The following ABCA5 variants were observed in gnomAD, a reference collection of about 807,000 sequenced individuals.
ABCA5 encodes the protein cholesterol transporter ABCA5.
Under a neutral mutation model 206.0 loss-of-function variants are expected in ABCA5, and 163 were observed. That is an observed-to-expected ratio of 0.79 (90% confidence interval 0.70 to 0.90). ABCA5 has a LOEUF of 0.90. Ranked by LOEUF, ABCA5 falls within the 40% of genes least tolerant of loss-of-function variation. The pLI, the probability that ABCA5 is intolerant of heterozygous loss-of-function variation, is 0.00. For missense variants in ABCA5, 1,859 were observed against 1,912.9 expected (o/e 0.97, Z 0.53); for synonymous variants, 609 against 613.8 (o/e 0.99, Z 0.11).
chr17:69,263,507 TTATCA>T (rs1027639935), intron 24 of ABCA5, among the ~76,000 whole-genome samples: 8 of 152,060 alleles, frequency 5.3e-5, no homozygotes, highest in African/African-American at 1.9e-4. Flanking sequence ...TTGCTTATTT[TTATCA>T]ATTTTGTTGA....
intron 9 of ABCA5, among the ~76,000 whole-genome samples, chr17:69,298,415 C>T (rs2075615683): frequency 6.6e-6 from 1 of 151,298 alleles, no homozygotes; most frequent in African/African-American, 2.4e-5. Context: ...TCCCTTTTCC[C>T]TCTCAAAATA....
At position 69,306,745 on chromosome 17, in the gene ABCA5, T is replaced by C. The variant is rs770389403; in HGVS notation, c.768A>G (p.Gly256=). The C allele has an allele frequency of 5.3e-6, 8 of 1,509,448 alleles. No individual in the cohort carries two copies. In the South Asian group the frequency reaches 1.1e-4, roughly 20 times the overall value. 93.5% of individuals were successfully genotyped at this position (1,509,448 alleles called of 1,614,324 possible). A position where few individuals can be genotyped will look rare whatever the true frequency, so the allele number is the denominator to read the frequency against. The change falls in exon 6 of 39, where the codon GGA becomes GGG. Residue 256 remains glycine (G), a synonymous_variant. Coordinates refer to ENST00000392676, the MANE Select transcript of ABCA5 (RefSeq NM_172232.4). The part of the protein sequence containing the change: ...KKIKEFLKIM[G]LHDTAFWLSW... The stretch of plus-strand genomic sequence containing the variant: ...CATACCAAAAGGCAGTATCATGAAG[T>C]CCCATTATCTTTAAAAATTCTTTTA...
intron 17 of ABCA5, among the ~76,000 whole-genome samples, chr17:69,284,565 TA>T (rs540201116): frequency 1.3e-5 from 2 of 152,256 alleles, no homozygotes; most frequent in South Asian, 4.1e-4. Flanking sequence ...ATTCATCTTT[TA>T]AAAAATAAAA....
At chr17:69,318,923 T>C (rs1021301936) in intron 1 of ABCA5, 39 of 655,330 alleles carry the variant, frequency 6.0e-5, no homozygotes, top group African/African-American at 3.1e-4. Flanking sequence ...GGTAATGCGA[T>C]GTAATGGCAT....
intron 28 of ABCA5, among the ~76,000 whole-genome samples, chr17:69,258,506 A>G (rs2075107887): frequency 6.6e-6 from 1 of 152,110 alleles, no homozygotes; most frequent in Admixed American, 6.6e-5. Context: ...TTATCAGTGG[A>G]TACACATGAA....
intron 31 of ABCA5, among the ~76,000 whole-genome samples, chr17:69,254,795 A>AT: frequency 6.6e-6 from 1 of 152,208 alleles, no homozygotes. Context: ...AAGTGCTGGG[A>AT]TTACAGGAAT....
At chr17:69,313,924 C>T (rs1336108830) in intron 2 of ABCA5, among the ~76,000 whole-genome samples, 2 of 152,050 alleles carry the variant, frequency 1.3e-5, no homozygotes, top group Non-Finnish European at 2.9e-5. Flanking sequence ...GCTGTGGGTA[C>T]AAATCTGTGT....
chr17:69,264,924 AATTT>A lies in ABCA5; in HGVS notation c.3145-23_3145-20del. ...CTTTGATCTAAAAAAAATGAAAAACAATTTATTATAATTTTAGACACTTTAGAAA... is the reference window on the plus strand; with the variant it reads ...CTTTGATCTAAAAAAAATGAAAAACAATTATAATTTTAGACACTTTAGAAA... On this transcript the variant is annotated intron_variant, in intron 23 of 38. Coordinates refer to ENST00000392676, the MANE Select transcript of ABCA5 (RefSeq NM_172232.4). The A allele has an allele frequency of 1.4e-6, 2 of 1,426,874 alleles. No individual in the cohort carries two copies. The highest frequency in any genetic ancestry group is 2.5e-5 in the East Asian group (1 of 39,942). The allele number at this position is 1,426,874 out of a possible 1,614,324, so 88.4% of individuals were successfully genotyped here.
At position 69,291,235 on chromosome 17, in the gene ABCA5, T is replaced by C. The variant is rs140672254; in HGVS notation, c.1587A>G (p.Gly529=). The C allele has an allele frequency of 4.2e-5, 68 of 1,601,844 alleles. No individual in the cohort carries two copies. In the African/African-American group the frequency reaches 8.3e-4, roughly 20 times the overall value. The change falls in exon 12 of 39, where the codon GGA becomes GGG. Residue 529 remains glycine, a synonymous_variant. Transcript: ENST00000392676. ...GKSTLMNILC[G]LCPPSDGFAS... Reference sequence around the variant, plus strand: ...ACTCACCATCAGAAGGTGGGCAGAGTCCACAAAGAATATTCATCAATGTAC... The same window carrying C: ...ACTCACCATCAGAAGGTGGGCAGAGCCCACAAAGAATATTCATCAATGTAC...
chr17:69,296,829 G>A (rs2075588077), intron 10 of ABCA5, among the ~76,000 whole-genome samples: 1 of 152,296 alleles, frequency 6.6e-6, no homozygotes, highest in South Asian at 2.1e-4. Context: ...GCCAGGCATG[G>A]TGGCGCATGC....
Position 69,264,795 on chromosome 17 carries a change from T to C in ABCA5, c.3255A>G (p.Leu1085=), listed in dbSNP as rs1391995550. 1 of 1,598,248 alleles carries C rather than the reference T, an allele frequency of 6.3e-7. No homozygotes were observed. The highest frequency in any genetic ancestry group is 8.5e-7 in the Non-Finnish European group (1 of 1,172,652). The part of the protein sequence containing the change: ...PLFFIILILM[L]GSLLAFHYGL... The stretch of plus-strand genomic sequence containing the variant: ...CATAATGAAATGCCAATAAGCTTCC[T>C]AGCATCAAAATAAGAATGATAAAAA... Residue 1085 remains leucine (L), a synonymous_variant, in exon 24 of 39, where the codon CTA becomes CTG. Transcript: ENST00000392676.
At chr17:69,314,696 C>T (rs902929781) in intron 1 of ABCA5, 3 of 285,702 alleles carry the variant, frequency 1.1e-5, no homozygotes, top group African/African-American at 2.2e-5. Flanking sequence ...TGGTATCTCC[C>T]GAACCGCCCA....
chr17:69,318,385 G>A (rs914360749), intron 1 of ABCA5, among the ~76,000 whole-genome samples: 46 of 152,074 alleles, frequency 3.0e-4, no homozygotes, highest in African/African-American at 9.9e-4. Context: ...GTGAGCCACC[G>A]TGCCTGGTCC....
rs765526099 is a variant in ABCA5 at position 69,289,272 on chromosome 17, C to G, written c.1807G>C (p.Asp603His). 5.8e-5 allele frequency: 92 copies of G among 1,596,866 alleles called. No homozygotes were observed. The highest frequency in any genetic ancestry group is 7.6e-5 in the Non-Finnish European group (89 of 1,173,460). Reference protein sequence around the residue: ...QEVQKVLLDLDMQTIKDNQAK... With the variant: ...QEVQKVLLDLHMQTIKDNQAK... ...TGGTTATCTTTGATAGTCTGCATGT[C>G]TAAATCTAGTAAAACCTTCTGCACC... Residue 603 changes from aspartate (D) to histidine (H), a missense_variant, in exon 14 of 39, where the codon GAC becomes CAC. Transcript: ENST00000392676.
At chr17:69,249,845 G>A (rs1231310068) in intron 37 of ABCA5, 60 bp downstream of exon 37, 1 of 1,488,012 alleles carries the variant, frequency 6.7e-7, no homozygotes, top group Non-Finnish European at 9.1e-7. Context: ...AAAAGATTGT[G>A]AAAGGGACTG....
chr17:69,255,032 C>G (rs1007600654), intron 31 of ABCA5, among the ~76,000 whole-genome samples: 1 of 152,018 alleles, frequency 6.6e-6, no homozygotes, highest in African/African-American at 2.4e-5. Context: ...AAGGTATAGC[C>G]AAACAAAGAA....
intron 19 of ABCA5, among the ~76,000 whole-genome samples, chr17:69,276,034 T>C (rs1011880062): frequency 4.0e-5 from 6 of 148,604 alleles, no homozygotes; most frequent in African/African-American, 1.5e-4. Context: ...ACCCAGTAAA[T>C]GGTATTTTGT....
Position 69,317,399 on chromosome 17 carries a change from CAAAAAAAAAAAA to C in ABCA5, c.-15-2981_-15-2970del, listed in dbSNP as rs1168274624. ...TGGGCATCAGAGCAAGACTCTGTCT[CAAAAAAAAAAAA>C]AAAAAAAAAAAGGAATGAAGTACTG... On this transcript the variant is annotated intron_variant, in intron 1 of 38. Coordinates refer to ENST00000392676, the MANE Select transcript of ABCA5 (RefSeq NM_172232.4). Among the ~76,000 whole-genome samples, 11 of 74,572 alleles carry C rather than the reference CAAAAAAAAAAAA, an allele frequency of 1.5e-4. No individual in the cohort carries two copies. The East Asian group carries it at 1.6e-3, about 11-fold the overall frequency. 48.9% of individuals were successfully genotyped at this position (74,572 alleles called of 152,430 possible).
rs560143018 is a variant in ABCA5, at chr17:69,279,614, G to A, written c.2393-1772C>T. On this transcript the variant is annotated intron_variant, in intron 18 of 38. Transcript: ENST00000392676. ...AAAAGAACAAAGCTGGAGGCATCAC[G>A]CTACCTGACTTCAAACTATACTACA... is the stretch of plus-strand genomic sequence containing the variant. 3.2e-3 allele frequency among the ~76,000 whole-genome samples: 484 copies of A among 152,030 alleles called. 6 individuals are homozygous for A. Among genetic ancestry groups the A allele is most frequent in the East Asian group, 0.014 (74 of 5,178 alleles).
Sources: allele counts gnomAD v4.1 joint callset (sites outside exome capture counted in the v4.1 genomes callset), GRCh38; gene constraint gnomAD v4.1.1; transcripts MANE v1.5; gene names NCBI Gene and HGNC (gene_info 2026-07-23, HGNC 2026-07-21).